FAM117B: variants seen among roughly 807,000 people sequenced by gnomAD.
FAM117B encodes the protein family with sequence similarity 117 member B.
In FAM117B, 22 loss-of-function variants were observed where a neutral mutation model predicts 52.8. The observed-to-expected ratio is 0.42, with a 90% CI of 0.30 to 0.59. The LOEUF (loss-of-function observed/expected upper bound fraction) is 0.59. Ranked by LOEUF, FAM117B falls within the 20% of genes least tolerant of loss-of-function variation. The pLI, the probability that FAM117B is intolerant of heterozygous loss-of-function variation, is 0.22. For missense variants in FAM117B, 678 were observed against 802.6 expected (o/e 0.84, Z 1.88); for synonymous variants, 309 against 324.1 (o/e 0.95, Z 0.50).
At chr2:202,719,513 A>G (rs1691115863) in intron 2 of FAM117B, among the ~76,000 whole-genome samples, 1 of 152,178 alleles carries the variant, frequency 6.6e-6, no homozygotes, top group African/African-American at 2.4e-5. Context: ...TTGTGTCTGT[A>G]TGTACAATTA....
chr2:202,764,125 T>C (rs1285770112), intron 7 of FAM117B, among the ~76,000 whole-genome samples: 1 of 152,202 alleles, frequency 6.6e-6, no homozygotes, highest in East Asian at 1.9e-4. Flanking sequence ...AGGAAGCTAG[T>C]TATGTTGAAA....
intron 2 of FAM117B, among the ~76,000 whole-genome samples, chr2:202,713,833 A>G (rs773878653): frequency 6.6e-6 from 1 of 152,044 alleles, no homozygotes; most frequent in Admixed American, 6.6e-5. Context: ...CAGCCTCCCA[A>G]GTAGCTGGGA....
rs1184275390 is a variant in FAM117B at position 202,652,088 on chromosome 2, T to C, written c.601+16300T>C. Among the ~76,000 whole-genome samples the C allele has an allele frequency of 2.0e-5, 3 of 148,136 alleles. No homozygotes were observed. The Admixed American group carries it at 2.0e-4, about 10-fold the overall frequency. On this transcript the variant is annotated intron_variant, in intron 1 of 7. Coordinates refer to ENST00000392238, the MANE Select transcript of FAM117B (RefSeq NM_173511.4). ...AAAAAAAAAAGATAAGGACAAGGGA[T>C]GTCTGTTTATATTATTTTATTTTTT... is the stretch of plus-strand genomic sequence containing the variant.
At chr2:202,658,296 C>G (rs983076352) in intron 1 of FAM117B, among the ~76,000 whole-genome samples, 1 of 151,960 alleles carries the variant, frequency 6.6e-6, no homozygotes, top group Admixed American at 6.6e-5. Flanking sequence ...TTTCCTTCAC[C>G]TAAGAATATC....
intron 4 of FAM117B, among the ~76,000 whole-genome samples, chr2:202,734,608 AGT>A (rs1691411545): frequency 2.0e-5 from 3 of 152,202 alleles, no homozygotes; most frequent in Admixed American, 6.5e-5. Flanking sequence ...TGAAGTGTTG[AGT>A]CCTGCTGCCT....
chr2:202,740,787 A>G (rs984702543), intron 4 of FAM117B, among the ~76,000 whole-genome samples: 2 of 152,182 alleles, frequency 1.3e-5, no homozygotes, highest in African/African-American at 4.8e-5. Context: ...TTTAATGGCT[A>G]TGGAGGTCAT....
At chr2:202,706,521 T>A (rs1347012504) in intron 2 of FAM117B, among the ~76,000 whole-genome samples, 1 of 152,200 alleles carries the variant, frequency 6.6e-6, no homozygotes, top group Non-Finnish European at 1.5e-5. Context: ...CAATAAAAGT[T>A]GAATATTTGT....
At chr2:202,703,373 C>G (rs189042613) in intron 2 of FAM117B, among the ~76,000 whole-genome samples, 1 of 152,150 alleles carries the variant, frequency 6.6e-6, no homozygotes, top group Non-Finnish European at 1.5e-5. Flanking sequence ...TTACTTCCTC[C>G]TACCTCCTTC....
At position 202,686,100 on chromosome 2, in the gene FAM117B, A is replaced by T. The variant is rs373129935; in HGVS notation, c.602-9781A>T. Among the ~76,000 whole-genome samples, 69 of 152,370 alleles carry T rather than the reference A, an allele frequency of 4.5e-4. No individual in the cohort carries two copies. In the East Asian group the frequency reaches 0.011, roughly 23 times the overall value. On this transcript the variant is annotated intron_variant, in intron 1 of 7. Coordinates refer to ENST00000392238, the MANE Select transcript of FAM117B (RefSeq NM_173511.4). The stretch of plus-strand genomic sequence containing the variant: ...AGAAGACAAACCTATCAGTTAAAAA[A>T]TGGACAATGGATTTGATCAGACATA...
intron 2 of FAM117B, among the ~76,000 whole-genome samples, chr2:202,714,829 C>T (rs2105783400): frequency 6.6e-6 from 1 of 151,872 alleles, no homozygotes; most frequent in Admixed American, 6.6e-5. Context: ...GCACATGTTT[C>T]AGAGAGCACA....
At position 202,763,945 on chromosome 2, in the gene FAM117B, G is replaced by C. The variant is rs921653962; in HGVS notation, c.1452-1501G>C. On this transcript the variant is annotated intron_variant, in intron 7 of 7. Coordinates refer to ENST00000392238, the MANE Select transcript of FAM117B (RefSeq NM_173511.4). ...CAGGCCACAGGTTATCCACCCCCTT[G>C]TGCTACCTGTAAACCTTTTTATAAA... Among the ~76,000 whole-genome samples the C allele has an allele frequency of 4.6e-5, 7 of 152,152 alleles. No homozygotes were observed. In the East Asian group the frequency reaches 1.3e-3, roughly 29 times the overall value.
chr2:202,669,521 A>G (rs550239158), intron 1 of FAM117B, among the ~76,000 whole-genome samples: 1 of 152,244 alleles, frequency 6.6e-6, no homozygotes, highest in South Asian at 2.1e-4. Flanking sequence ...TTCCTCCTCA[A>G]ATTTTCTAGA....
intron 1 of FAM117B, among the ~76,000 whole-genome samples, chr2:202,636,984 C>T (rs1386438561): frequency 6.7e-6 from 1 of 149,674 alleles, no homozygotes; most frequent in African/African-American, 2.5e-5. Context: ...ACTGCAGCCT[C>T]CAACTCCCGG....
intron 1 of FAM117B, among the ~76,000 whole-genome samples, chr2:202,661,069 C>T (rs1690120994): frequency 6.6e-6 from 1 of 152,180 alleles, no homozygotes; most frequent in Non-Finnish European, 1.5e-5. Flanking sequence ...TTTGGGATGC[C>T]CTTGAATCTA....
rs911834608 is a variant in FAM117B, at chr2:202,765,297, G to C, written c.1452-149G>C. 4.9e-5 allele frequency: 36 copies of C among 738,556 alleles called. No individual in the cohort carries two copies. The Admixed American group carries it at 6.0e-4, about 12-fold the overall frequency. The allele number at this position is 738,556 out of a possible 1,614,324, so 45.8% of individuals were successfully genotyped here. A position where few individuals can be genotyped will look rare whatever the true frequency, so the allele number is the denominator to read the frequency against. On this transcript the variant is annotated intron_variant, in intron 7 of 7. Transcript: ENST00000392238. ...ACTTTGGTCCTTTATGTTTGAAGGT[G>C]GGGGACAGAGCTTGAGTTTTATATT...
In FAM117B at chr2:202,661,732, A is replaced by G. The variant is rs185933048; in HGVS notation, c.601+25944A>G. Among the ~76,000 whole-genome samples, 145 of 152,264 alleles carry G rather than the reference A, an allele frequency of 9.5e-4. 1 individual carries two copies. In the East Asian group the frequency reaches 0.025, roughly 27 times the overall value. ...AGAGTTCAAGACCAGCCTGGCCAAC[A>G]TGGCAAAACCCCGTCTCTCGTAAAA... is the stretch of plus-strand genomic sequence containing the variant. On this transcript the variant is annotated intron_variant, in intron 1 of 7. Transcript: ENST00000392238.
intron 1 of FAM117B, among the ~76,000 whole-genome samples, chr2:202,681,110 A>G (rs1232077688): frequency 6.6e-6 from 1 of 152,222 alleles, no homozygotes; most frequent in African/African-American, 2.4e-5. Context: ...ATGTATTTTT[A>G]TTTGAAGATA....
At chr2:202,750,210 T>C (rs1691701826) in intron 4 of FAM117B, among the ~76,000 whole-genome samples, 1 of 152,182 alleles carries the variant, frequency 6.6e-6, no homozygotes, top group Non-Finnish European at 1.5e-5. Context: ...CCATATGACC[T>C]AATTTAAACT....
chr2:202,705,293 T>TGAAA (rs139947907), intron 2 of FAM117B, among the ~76,000 whole-genome samples: 5,583 of 150,514 alleles, frequency 0.037, 345 homozygotes, highest in African/African-American at 0.13. Flanking sequence ...GCAACAAGAG[T>TGAAA]GAAACTTCAT....
Sources: gnomAD v4.1 joint callset for allele counts (sites outside exome capture counted in the v4.1 genomes callset) on GRCh38, gnomAD v4.1.1 for gene constraint, MANE v1.5 for transcripts, NCBI Gene and HGNC (gene_info 2026-07-23, HGNC 2026-07-21) for gene names.